Variants in CHMP7 observed in about 807,000 individuals in gnomAD.
The protein encoded by CHMP7 is CHMP family, member 7.
CHMP7 carries 15 observed loss-of-function variants against 53.7 expected under a neutral mutation model. That is an observed-to-expected ratio of 0.28 (90% CI 0.19 to 0.43). CHMP7 has a LOEUF of 0.43. Among genes scored for constraint, CHMP7 ranks in the 20% least tolerant of loss-of-function variants. The probability of loss-of-function intolerance (pLI) is 1.00; values close to 1 mark genes in which losing one functional copy is unlikely to be tolerated. For missense variants in CHMP7, 527 were observed against 569.4 expected (o/e 0.93, Z 0.76); for synonymous variants, 261 against 228.0 (o/e 1.14, Z -1.30).
intron 4 of CHMP7, among the ~76,000 whole-genome samples, chr8:23,256,074 A>G (rs933806411): frequency 6.6e-6 from 1 of 152,124 alleles, no homozygotes; most frequent in Admixed American, 6.5e-5. Context: ...ATACTTAATA[A>G]TGGCCCCAAA....
intron 4 of CHMP7, among the ~76,000 whole-genome samples, 182 bp from the exon 5 acceptor site, chr8:23,256,278 A>G (rs921198041): frequency 1.3e-5 from 2 of 152,180 alleles, no homozygotes; most frequent in African/African-American, 4.8e-5. Flanking sequence ...TTACATAGCT[A>G]TATGTATAGG....
chr8:23,248,277 T>G (rs2128856947), intron 2 of CHMP7: 2 of 447,072 alleles, frequency 4.5e-6, no homozygotes, highest in South Asian at 1.6e-5. Flanking sequence ...TCAGACACTT[T>G]AATACCTCTA....
In CHMP7 at chr8:23,259,194, A is replaced by G. The variant is rs538599086; in HGVS notation, c.1120+68A>G. The G allele has an allele frequency of 6.0e-4, 409 of 687,370 alleles. 8 individuals are homozygous for G. In the South Asian group the frequency reaches 7.1e-3, roughly 12 times the overall value. 42.6% of individuals were successfully genotyped at this position (687,370 alleles called of 1,614,324 possible). A position where few individuals can be genotyped will look rare whatever the true frequency, so the allele number is the denominator to read the frequency against. On this transcript the variant is annotated intron_variant, in intron 9 of 10. Transcript: ENST00000397677. The stretch of plus-strand genomic sequence containing the variant: ...TTTTTTTTTTTTTTTTTTGAGACGG[A>G]GTCTCGCTCTGTCGCCCAGGCTGGA...
At chr8:23,246,115 T>C (rs1801672906) in intron 1 of CHMP7, 141 bp from the exon 2 acceptor site, 1 of 152,296 alleles carries the variant, frequency 6.6e-6, no homozygotes, top group Non-Finnish European at 1.5e-5. Flanking sequence ...TTCTGCTCTT[T>C]TTATTATTTT....
rs1195113078 is a variant in CHMP7, at chr8:23,258,357, C to T, written c.868C>T (p.Arg290Trp). 5.6e-6 allele frequency: 9 copies of T among 1,614,056 alleles called. No individual in the cohort carries two copies. Among genetic ancestry groups the T allele is most frequent in the South Asian group, 3.3e-5 (3 of 91,086 alleles). Residue 290 changes from arginine (R) to tryptophan (W), a missense_variant, in exon 7 of 11, where the codon CGG becomes TGG. By Grantham distance (101) the Arg-to-Trp change is moderately radical. Coordinates refer to ENST00000397677, the MANE Select transcript of CHMP7 (RefSeq NM_152272.5). ...ACTGAGGTCTCTCAAGGCCAAGCAACGGACAGAGAAGCGCATCGAGGCCTT... is the reference window on the plus strand; with the variant it reads ...ACTGAGGTCTCTCAAGGCCAAGCAATGGACAGAGAAGCGCATCGAGGCCTT... Reference protein sequence around the residue: ...LALRSLKAKQRTEKRIEALHA... With the variant: ...LALRSLKAKQWTEKRIEALHA...
At chr8:23,259,833 A>T (rs1802309054) in intron 9 of CHMP7, 1 of 294,988 alleles carries the variant, frequency 3.4e-6, no homozygotes, top group East Asian at 7.8e-5. Context: ...AGCTGTGCTC[A>T]TGACCCATCT....
chr8:23,247,148 A>G (rs1312586087), intron 2 of CHMP7, among the ~76,000 whole-genome samples, 154 bp downstream of exon 2: 2 of 151,818 alleles, frequency 1.3e-5, no homozygotes, highest in African/African-American at 4.8e-5. Flanking sequence ...GCGAAGAAGG[A>G]AAATAAGGAG....
At chr8:23,247,894 A>G (rs759373869) in intron 2 of CHMP7, 10 of 358,008 alleles carry the variant, frequency 2.8e-5, no homozygotes, top group Non-Finnish European at 4.4e-5. Context: ...GAGAAAGTCA[A>G]CTCTGATGTT....
At chr8:23,247,068 T>A in intron 2 of CHMP7, 74 bp downstream of exon 2, 1 of 1,373,734 alleles carries the variant, frequency 7.3e-7, no homozygotes, top group Non-Finnish European at 9.6e-7. Context: ...CCTGGTCCTG[T>A]TCTCTGCACA....
In CHMP7 at chr8:23,258,773, C is replaced by G; in HGVS notation, c.1002C>G (p.Leu334=). The G allele has an allele frequency of 6.2e-7, 1 of 1,613,902 alleles. No individual in the cohort carries two copies. ...AGGCTGGGGTAGGAGCACTCAAACT[C>G]TCCATGAAGGATGTCACAGTGGAGA... The part of the protein sequence containing the change: ...AYQAGVGALK[L]SMKDVTVEKA... Residue 334 remains leucine, a synonymous_variant, in exon 8 of 11, where the codon CTC becomes CTG. Coordinates refer to ENST00000397677, the MANE Select transcript of CHMP7 (RefSeq NM_152272.5).
rs1314549554 is a variant in CHMP7, at chr8:23,258,330, G to A, written c.841G>A (p.Ala281Thr). 1.2e-6 allele frequency: 2 copies of A among 1,614,176 alleles called. No individual in the cohort carries two copies. The highest frequency in any genetic ancestry group is 2.2e-5 in the South Asian group (2 of 91,086). Residue 281 changes from alanine to threonine, a missense_variant and splice_region_variant, in exon 7 of 11, where the codon GCA becomes ACA. By Grantham distance (58) the Ala-to-Thr change is moderately conservative (BLOSUM62 0). Transcript: ENST00000397677. ...RACRAGKKQL[A>T]LRSLKAKQRT... is the part of the protein sequence containing the mutation. ...CTGACCTAAGTCTCCATGCCTCCAG[G>A]CACTGAGGTCTCTCAAGGCCAAGCA...
At chr8:23,253,795 CTCTT>C (rs1390812515) in intron 3 of CHMP7, among the ~76,000 whole-genome samples, 2 of 152,138 alleles carry the variant, frequency 1.3e-5, no homozygotes, top group Non-Finnish European at 2.9e-5. Flanking sequence ...TCCACCACTC[CTCTT>C]TCTATGTTTA....
Position 23,246,837 on chromosome 8 carries a change from G to A in CHMP7, c.142G>A (p.Asp48Asn). ...GAGGAGTCGCGAGGTGAACAGCACC[G>A]ACTGGGACAGCAAGATGGGCTTCTG... ...FKRSREVNSTDWDSKMGFWAP... is the reference protein window; with the variant it reads ...FKRSREVNSTNWDSKMGFWAP... The change falls in exon 2 of 11, where the codon GAC (aspartate) becomes AAC (asparagine). Residue 48 changes from aspartate (D) to asparagine (N), a missense_variant. By Grantham distance (23) the Asp-to-Asn change is conservative. Coordinates refer to ENST00000397677, the MANE Select transcript of CHMP7 (RefSeq NM_152272.5). 3 of 1,600,104 alleles carry A rather than the reference G, an allele frequency of 1.9e-6. No individual in the cohort carries two copies. The highest frequency in any genetic ancestry group is 2.6e-6 in the Non-Finnish European group (3 of 1,173,734).
chr8:23,252,676 T>C (rs1046034430), intron 3 of CHMP7, among the ~76,000 whole-genome samples: 1 of 152,248 alleles, frequency 6.6e-6, no homozygotes, highest in Non-Finnish European at 1.5e-5. Context: ...TCTGTATGGC[T>C]ATTGAATTTC....
intron 3 of CHMP7, among the ~76,000 whole-genome samples, chr8:23,251,549 G>C (rs1052220930): frequency 9.9e-5 from 15 of 152,208 alleles, no homozygotes; most frequent in Non-Finnish European, 1.8e-4. Flanking sequence ...AGCAGTGCCT[G>C]ATACCTGGTA....
At chr8:23,260,435 A>G (rs1802341603) in intron 10 of CHMP7, 103 bp from the exon 11 acceptor site, 2 of 1,508,480 alleles carry the variant, frequency 1.3e-6, no homozygotes, top group Admixed American at 1.7e-5. Context: ...CCCTGTAGGG[A>G]GTTGAGGGTT....
At position 23,249,335 on chromosome 8, in the gene CHMP7, A is replaced by G. The variant is rs766361757; in HGVS notation, c.425A>G (p.Asn142Ser). 5 of 1,612,226 alleles carry G rather than the reference A, an allele frequency of 3.1e-6. No individual in the cohort carries two copies. The Admixed American group carries it at 5.0e-5, about 16-fold the overall frequency. The change falls in exon 3 of 11, where the codon AAT becomes AGT. Residue 142 changes from asparagine (N) to serine (S), a missense_variant. By Grantham distance (46) the Asn-to-Ser change is conservative. Transcript: ENST00000397677. Reference protein sequence around the residue: ...KWTLSNMLGDNKVPAEEVLVA... With the variant: ...KWTLSNMLGDSKVPAEEVLVA... ...ACTCTTTCTAACATGCTGGGAGATA[A>G]TAAGGTTCCAGCTGAGGAGGTCCTT... is the stretch of plus-strand genomic sequence containing the variant.
intron 2 of CHMP7, among the ~76,000 whole-genome samples, chr8:23,247,337 C>T (rs1374493542): frequency 1.3e-5 from 2 of 152,108 alleles, no homozygotes; most frequent in African/African-American, 4.8e-5. Flanking sequence ...TTGAATGGCC[C>T]GTGGAGCAGA....
At chr8:23,258,188 T>A in intron 6 of CHMP7, 107 bp downstream of exon 6, 1 of 1,441,782 alleles carries the variant, frequency 6.9e-7, no homozygotes, top group Non-Finnish European at 9.7e-7. Flanking sequence ...GGGTAGAGTC[T>A]GCAGGGGGCC....
Sources: gnomAD v4.1 joint callset for allele counts (sites outside exome capture counted in the v4.1 genomes callset) on GRCh38, gnomAD v4.1.1 for gene constraint, MANE v1.5 for transcripts, NCBI Gene and HGNC (gene_info 2026-07-23, HGNC 2026-07-21) for gene names.